PHGDH: variants seen among roughly 807,000 people sequenced by gnomAD.
The protein encoded by PHGDH is phosphoglycerate dehydrogenase.
Under a neutral mutation model 52.6 loss-of-function variants are expected in PHGDH, and 50 were observed. The observed-to-expected ratio is 0.95, with a 90% CI of 0.76 to 1.20. The LOEUF (loss-of-function observed/expected upper bound fraction) is 1.20, where lower values mean the gene tolerates loss of function less well. Ranked by LOEUF, PHGDH falls within the 50% of genes most tolerant of loss-of-function variation. The pLI, the probability that PHGDH is intolerant of heterozygous loss-of-function variation, is 0.00. For missense variants in PHGDH, 630 were observed against 684.6 expected (o/e 0.92, Z 0.89); for synonymous variants, 271 against 280.5 (o/e 0.97, Z 0.34).
At chr1:119,739,238 C>T (rs587667120) in intron 8 of PHGDH, among the ~76,000 whole-genome samples, 2 of 152,294 alleles carry the variant, frequency 1.3e-5, no homozygotes, top group Admixed American at 6.5e-5. Context: ...TCTGCAGGCC[C>T]ACACAGAGGA....
At chr1:119,734,977 G>A (rs756844516) in intron 6 of PHGDH, 21 of 642,482 alleles carry the variant, frequency 3.3e-5, no homozygotes, top group Non-Finnish European at 5.2e-5. Context: ...GGTAAGCTGG[G>A]CACAGGGACA....
chr1:119,715,203 G>C (rs1262081800), intron 1 of PHGDH, among the ~76,000 whole-genome samples: 1 of 152,140 alleles, frequency 6.6e-6, no homozygotes, highest in African/African-American at 2.4e-5. Context: ...TTTTACATAT[G>C]ATGCATTCTG....
rs746145056 is a variant in PHGDH at position 119,721,340 on chromosome 1, G to A, written c.290+19G>A. On this transcript the variant is annotated intron_variant, in intron 2 of 11. Transcript: ENST00000641023. ...TTATGAAGTAAGTCATGGAGGCTGC[G>A]GGCGGTTTGGGGGTAGGGGGGTGAG... 14 of 1,610,602 alleles carry A rather than the reference G, an allele frequency of 8.7e-6. No individual in the cohort carries two copies. Among genetic ancestry groups the A allele is most frequent in the South Asian group, 2.2e-5 (2 of 90,984 alleles).
At position 119,711,985 on chromosome 1, in the gene PHGDH, T is replaced by C. The variant is rs1650714707; in HGVS notation, c.-38T>C. 3 of 1,612,692 alleles carry C rather than the reference T, an allele frequency of 1.9e-6. No homozygotes were observed. The highest frequency in any genetic ancestry group is 1.8e-4 in the Middle Eastern group (1 of 5,448). ...ACCGCAGCTTCTTGGCTTAGGTACT[T>C]CTACTCACAGCGGCCGATTCCGAGG... On this transcript the variant is annotated 5_prime_UTR_variant, in exon 1 of 12. Transcript: ENST00000641023.
Position 119,724,414 on chromosome 1 carries a change from C to T in PHGDH, c.356+973C>T, listed in dbSNP as rs183376245. ...GGATCTGGGGGAATTTACCTCTGCT[C>T]TAACTCCTCCCTGCAGTTTCCATCT... On this transcript the variant is annotated intron_variant, in intron 3 of 11. Transcript: ENST00000641023. The T allele has an allele frequency of 6.1e-5, 15 of 245,292 alleles. No individual in the cohort carries two copies. In the East Asian group the frequency reaches 7.4e-4, roughly 12 times the overall value. 15.2% of individuals were successfully genotyped at this position (245,292 alleles called of 1,614,324 possible).
In PHGDH at chr1:119,712,085, G is replaced by A. The variant is rs1650719530; in HGVS notation, c.63G>A (p.Lys21=). 1.2e-6 allele frequency: 2 copies of A among 1,614,024 alleles called. No individual in the cohort carries two copies. Among genetic ancestry groups the A allele is most frequent in the Admixed American group, 3.3e-5 (2 of 60,018 alleles). ...ACAGCCTGGACCCTTGCTGCCGGAA[G>A]ATCTTGCAAGATGGAGGGCTGCAGG... The part of the protein sequence containing the change: ...ISDSLDPCCR[K]ILQDGGLQVV... The change falls in exon 1 of 12, where the codon AAG becomes AAA. Residue 21 remains lysine (K), a synonymous_variant. Coordinates refer to ENST00000641023, the MANE Select transcript of PHGDH (RefSeq NM_006623.4).
At chr1:119,712,543 A>G (rs1650743696) in intron 1 of PHGDH, 1 of 296,196 alleles carries the variant, frequency 3.4e-6, no homozygotes, top group Admixed American at 4.7e-5. Flanking sequence ...CCCAACCCCC[A>G]ACCGCCTCCG....
intron 1 of PHGDH, among the ~76,000 whole-genome samples, chr1:119,716,539 G>A (rs1459781946): frequency 6.6e-6 from 1 of 152,168 alleles, no homozygotes; most frequent in East Asian, 1.9e-4. Context: ...CATTGAAGAA[G>A]GATGGACCCT....
At chr1:119,735,020 C>T (rs973285890) in intron 6 of PHGDH, 2 of 619,600 alleles carry the variant, frequency 3.2e-6, no homozygotes, top group Non-Finnish European at 5.7e-6. Context: ...TTCTGCAGCC[C>T]CTGCAGGGCT....
chr1:119,733,017 G>A (rs989819895), intron 5 of PHGDH, among the ~76,000 whole-genome samples: 1 of 152,238 alleles, frequency 6.6e-6, no homozygotes, highest in African/African-American at 2.4e-5. Context: ...TTGTGACAAC[G>A]ATGGCAGGGA....
intron 8 of PHGDH, among the ~76,000 whole-genome samples, chr1:119,738,433 C>CG (rs1260817199): frequency 6.6e-6 from 1 of 152,214 alleles, no homozygotes; most frequent in Admixed American, 6.5e-5. Flanking sequence ...CAGCAGCATG[C>CG]GAGGAGGTCA....
At chr1:119,734,177 G>A in intron 5 of PHGDH, 2 of 286,980 alleles carry the variant, frequency 7.0e-6, no homozygotes, top group South Asian at 7.5e-5. Flanking sequence ...TCCCTTTCCT[G>A]GCTGTCCGCT....
chr1:119,740,367 G>A lies in PHGDH; in HGVS notation c.946-19G>A, dbSNP rs745359903. On this transcript the variant is annotated intron_variant, in intron 8 of 11. Coordinates refer to ENST00000641023, the MANE Select transcript of PHGDH (RefSeq NM_006623.4). ...CATGCCTCTTCCTGACCACAGCCCC[G>A]CTCCTCCATCCTCTGCAGGTGAATG... 163 of 1,613,810 alleles carry A rather than the reference G, an allele frequency of 1.0e-4. No individual in the cohort carries two copies. The highest frequency in any genetic ancestry group is 1.3e-4 in the Non-Finnish European group (155 of 1,179,912).
chr1:119,717,037 C>T (rs1045577067), intron 1 of PHGDH, among the ~76,000 whole-genome samples: 1 of 151,638 alleles, frequency 6.6e-6, no homozygotes. Context: ...CTGTGCATTG[C>T]CTATTTATAT....
intron 8 of PHGDH, 57 bp downstream of exon 8, chr1:119,737,323 G>T: frequency 6.7e-7 from 1 of 1,485,510 alleles, no homozygotes. Context: ...GAGGAAGGAA[G>T]GCATCTTGTA....
intron 5 of PHGDH, among the ~76,000 whole-genome samples, chr1:119,733,590 C>T (rs1206776041): frequency 6.6e-6 from 1 of 152,090 alleles, no homozygotes; most frequent in African/African-American, 2.4e-5. Flanking sequence ...CCTGCCTCAG[C>T]CTCCCAAAGT....
At position 119,712,141 on chromosome 1, in the gene PHGDH, A is replaced by G. The variant is rs778630047; in HGVS notation, c.119A>G (p.Glu40Gly). 36 of 1,613,982 alleles carry G rather than the reference A, an allele frequency of 2.2e-5. No individual in the cohort carries two copies. The highest frequency in any genetic ancestry group is 2.8e-5 in the Non-Finnish European group (33 of 1,179,996). The change falls in exon 1 of 12, where the codon GAG (glutamate) becomes GGG (glycine). Residue 40 changes from glutamate to glycine, a missense_variant. Coordinates refer to ENST00000641023, the MANE Select transcript of PHGDH (RefSeq NM_006623.4). ...GAAAAGCAGAACCTTAGCAAAGAGG[A>G]GCTGATAGCGGAGCTGCAGGTAAGG... ...VVEKQNLSKE[E>G]LIAELQDCEG... is the part of the protein sequence containing the mutation.
intron 5 of PHGDH, among the ~76,000 whole-genome samples, chr1:119,733,671 C>G (rs774622414): frequency 2.2e-4 from 33 of 152,264 alleles, no homozygotes; most frequent in African/African-American, 7.7e-4. Flanking sequence ...TACTGTATCC[C>G]TAATTTCAAA....
intron 5 of PHGDH, chr1:119,734,256 C>G: frequency 2.9e-6 from 1 of 346,504 alleles, no homozygotes; most frequent in Admixed American, 3.9e-5. Flanking sequence ...CCACCTTGTC[C>G]AGACCTATAT....
Sources: allele counts gnomAD v4.1 joint callset (sites outside exome capture counted in the v4.1 genomes callset), GRCh38; gene constraint gnomAD v4.1.1; transcripts MANE v1.5; gene names NCBI Gene and HGNC (gene_info 2026-07-23, HGNC 2026-07-21).